BID: variants seen among roughly 807,000 people sequenced by gnomAD.
BID encodes the protein BH3 interacting domain death agonist.
BID carries 19 observed loss-of-function variants against 17.4 expected under a neutral mutation model. That is an observed-to-expected ratio of 1.09 (90% CI 0.76 to 1.60). The LOEUF (loss-of-function observed/expected upper bound fraction) is 1.60, where lower values mean the gene tolerates loss of function less well. BID is among the 40% of genes most tolerant of loss of function. The probability of loss-of-function intolerance (pLI) is 0.00; values close to 1 mark genes in which losing one functional copy is unlikely to be tolerated. For synonymous variants in BID, 108 were observed against 102.8 expected (o/e 1.05, Z -0.31); for missense variants, 226 against 256.0 (o/e 0.88, Z 0.80).
In BID at chr22:17,743,922, C is replaced by T. The variant is rs767379821; in HGVS notation, c.104G>A (p.Arg35Lys). 6.2e-7 allele frequency: 1 copy of T among 1,613,872 alleles called. No individual in the cohort carries two copies. The highest frequency in any genetic ancestry group is 8.5e-7 in the Non-Finnish European group (1 of 1,180,032). Residue 35 changes from arginine (R) to lysine (K), a missense_variant, in exon 3 of 6, where the codon AGA becomes AAA. Physicochemically the swap from Arg to Lys is conservative, Grantham distance 26. Coordinates refer to ENST00000622694, the MANE Select transcript of BID (RefSeq NM_001196.4). ...CTCGTGGCCCAGTGCGTCCAGCTCT[C>T]TGCGGAAGCTGTTGTCAGAACAGCT... The part of the protein sequence containing the change: ...LQSCSDNSFR[R>K]ELDALGHELP...
Position 17,735,330 on chromosome 22 carries a change from T to A in BID, c.*250A>T. ...GTGTGTAGATTTACAGATGTGCAGA[T>A]TCATGTGTGGATGATATGAAGGCCA... On this transcript the variant is annotated 3_prime_UTR_variant, in exon 6 of 6. Coordinates refer to ENST00000622694, the MANE Select transcript of BID (RefSeq NM_001196.4). The A allele has an allele frequency of 1.4e-4, 68 of 492,470 alleles. No individual in the cohort carries two copies. Among genetic ancestry groups the A allele is most frequent in the South Asian group, 5.3e-4 (18 of 33,662 alleles). 30.5% of individuals were successfully genotyped at this position (492,470 alleles called of 1,614,324 possible).
intron 1 of BID, among the ~76,000 whole-genome samples, chr22:17,763,234 G>C (rs1007040312): frequency 1.4e-5 from 2 of 142,026 alleles, no homozygotes; most frequent in Admixed American, 1.4e-4. Context: ...TCTCCATCAT[G>C]TGTATTAATT....
chr22:17,748,683 A>G (rs2061514066), intron 2 of BID, among the ~76,000 whole-genome samples: 1 of 151,888 alleles, frequency 6.6e-6, no homozygotes, highest in African/African-American at 2.4e-5. Flanking sequence ...TCCGAAGGCA[A>G]GAAAGGGGAG....
rs990220873 is a variant in BID at position 17,773,210 on chromosome 22, G to A, written c.-59+1171C>T. ...GAGGCTTGGCCAGGGTCGTCCTCCC[G>A]GCAGTGCCTCCCTGGAGCTCTGTCT... On this transcript the variant is annotated intron_variant, in intron 1 of 5. Coordinates refer to ENST00000622694, the MANE Select transcript of BID (RefSeq NM_001196.4). The surrounding 1 kb of genome is among the most constrained non-coding windows in gnomAD (Gnocchi z 4.4). Among the ~76,000 whole-genome samples the A allele has an allele frequency of 2.6e-5, 4 of 152,074 alleles. No homozygotes were observed. The East Asian group carries it at 7.7e-4, about 29-fold the overall frequency.
At chr22:17,740,136 C>G in intron 3 of BID, 1 of 1,612,354 alleles carries the variant, frequency 6.2e-7, no homozygotes, top group East Asian at 2.2e-5. Context: ...CTGCCGCCTC[C>G]GTTTCTTCCT....
intron 3 of BID, among the ~76,000 whole-genome samples, chr22:17,741,599 A>G (rs1362170214): frequency 6.6e-6 from 1 of 151,750 alleles, no homozygotes; most frequent in African/African-American, 2.4e-5. Flanking sequence ...CAGCCTCCCA[A>G]GTAGCTGGGA....
chr22:17,750,175 C>T lies in BID; in HGVS notation c.-58-1G>A. The T allele has an allele frequency of 1.9e-6, 3 of 1,612,248 alleles. No individual in the cohort carries two copies. The highest frequency in any genetic ancestry group is 2.5e-6 in the Non-Finnish European group (3 of 1,179,514). On this transcript the variant is annotated splice_acceptor_variant, in intron 1 of 5. Coordinates refer to ENST00000622694, the MANE Select transcript of BID (RefSeq NM_001196.4). LOFTEE classifies it low-confidence loss of function (5UTR_SPLICE). ...TGGTTCACAGTGTCCCAGTGGCGAC[C>T]TGGAAAGGGACACACAGAGTGGGCG...
intron 2 of BID, among the ~76,000 whole-genome samples, chr22:17,746,362 C>T (rs947839477): frequency 2.6e-5 from 4 of 152,210 alleles, no homozygotes; most frequent in African/African-American, 9.7e-5. Context: ...AAATAAGGTG[C>T]TTGTGTATTG....
rs773780328 is a variant in BID, at chr22:17,756,547, CTTCT to C, written c.-58-6377_-58-6374del. Among the ~76,000 whole-genome samples, 754 of 141,620 alleles carry C rather than the reference CTTCT, an allele frequency of 5.3e-3. 4 individuals carry two copies. Among genetic ancestry groups the C allele is most frequent in the African/African-American group, 0.01 (392 of 38,032 alleles). The allele number at this position is 141,620 out of a possible 152,430, so 92.9% of individuals were successfully genotyped here. A position where few individuals can be genotyped will look rare whatever the true frequency, so the allele number is the denominator to read the frequency against. Reference sequence around the variant, plus strand: ...CTTTCTTTCCTTCTTTCCTTCCTTCCTTCTTTCTTTCCTTCCTTTCCTTTCTTTC... The same window carrying C: ...CTTTCTTTCCTTCTTTCCTTCCTTCCTTCTTTCCTTCCTTTCCTTTCTTTC... On this transcript the variant is annotated intron_variant, in intron 1 of 5. Transcript: ENST00000622694.
Position 17,746,326 on chromosome 22 carries a change from C to T in BID, c.13-2313G>A, listed in dbSNP as rs558199537. Among the ~76,000 whole-genome samples the T allele has an allele frequency of 6.7e-4, 102 of 152,264 alleles. 1 individual carries two copies. Among genetic ancestry groups the T allele is most frequent in the Middle Eastern group, 6.8e-3 (2 of 294 alleles). ...TATTCCCATGTGACAAACATGTACA[C>T]GTGCCCCTGAATCTAAAATAAAATA... On this transcript the variant is annotated intron_variant, in intron 2 of 5. Coordinates refer to ENST00000622694, the MANE Select transcript of BID (RefSeq NM_001196.4).
In BID at chr22:17,735,035, T is replaced by C. The variant is rs2061409865; in HGVS notation, c.*545A>G. On this transcript the variant is annotated 3_prime_UTR_variant, in exon 6 of 6. Coordinates refer to ENST00000622694, the MANE Select transcript of BID (RefSeq NM_001196.4). Reference sequence around the variant, plus strand: ...CAGAATCTCTGTGCCATGTGGTTTTTTAAACAGGAAGATTGTTGGTTCCTT... The same window carrying C: ...CAGAATCTCTGTGCCATGTGGTTTTCTAAACAGGAAGATTGTTGGTTCCTT... 2 of 152,598 alleles carry C rather than the reference T, an allele frequency of 1.3e-5. No homozygotes were observed. Among genetic ancestry groups the C allele is most frequent in the Admixed American group, 1.3e-4 (2 of 15,300 alleles). The allele number at this position is 152,598 out of a possible 1,614,324, so 9.5% of individuals were successfully genotyped here. A position where few individuals can be genotyped will look rare whatever the true frequency, so the allele number is the denominator to read the frequency against.
chr22:17,759,914 G>T (rs373374929), intron 1 of BID, among the ~76,000 whole-genome samples: 8 of 151,798 alleles, frequency 5.3e-5, no homozygotes, highest in African/African-American at 1.9e-4. Flanking sequence ...AGGCCGAAGC[G>T]GGTGGATCAC....
At chr22:17,756,135 G>A (rs2061581186) in intron 1 of BID, among the ~76,000 whole-genome samples, 5 of 152,240 alleles carry the variant, frequency 3.3e-5, no homozygotes, top group Admixed American at 3.3e-4. Context: ...CCAAAGTGCT[G>A]GGATTACAGG....
chr22:17,763,615 C>G (rs932515955), intron 1 of BID, among the ~76,000 whole-genome samples: 14 of 152,060 alleles, frequency 9.2e-5, no homozygotes, highest in Admixed American at 2.6e-4. Flanking sequence ...TGAGAGCTGT[C>G]TCCAGACACA....
At chr22:17,764,689 G>C (rs1020157841) in intron 1 of BID, among the ~76,000 whole-genome samples, 1 of 152,174 alleles carries the variant, frequency 6.6e-6, no homozygotes. Flanking sequence ...GGAGAGGCCC[G>C]GGTACAGATA....
rs1351574179 is a variant in BID, at chr22:17,769,706, A to T, written c.-59+4675T>A. Among the ~76,000 whole-genome samples the T allele has an allele frequency of 1.3e-5, 2 of 152,162 alleles. No homozygotes were observed. The highest frequency in any genetic ancestry group is 2.9e-5 in the Non-Finnish European group (2 of 68,024). ...CAGGACGGTGCCTTACTGACTCCAC[A>T]CACAGAGGCAGCTGGGTCCAGGAGG... is the stretch of plus-strand genomic sequence containing the variant. On this transcript the variant is annotated intron_variant, in intron 1 of 5. Coordinates refer to ENST00000622694, the MANE Select transcript of BID (RefSeq NM_001196.4). This position sits in a 1 kb window ranked among gnomAD's most constrained non-coding sequence, Gnocchi z 4.8.
intron 1 of BID, among the ~76,000 whole-genome samples, chr22:17,759,234 C>CAAAAA (rs111628237): frequency 2.4e-4 from 7 of 29,230 alleles, no homozygotes; most frequent in Admixed American, 1.1e-3. Context: ...CGTCTCAAAA[C>CAAAAA]AAAAAACAAA....
intron 1 of BID, among the ~76,000 whole-genome samples, chr22:17,768,550 C>T (rs954999442): frequency 6.6e-6 from 1 of 152,184 alleles, no homozygotes; most frequent in African/African-American, 2.4e-5. Context: ...CTGGTCCGCC[C>T]CTCCCTGAAC....
chr22:17,767,606 C>G (rs546807100), intron 1 of BID, among the ~76,000 whole-genome samples: 1 of 152,278 alleles, frequency 6.6e-6, no homozygotes, highest in Admixed American at 6.5e-5. Context: ...CGTATCTGAC[C>G]ACAGAGAACT....
Sources: allele counts gnomAD v4.1 joint callset (sites outside exome capture counted in the v4.1 genomes callset), GRCh38; gene constraint gnomAD v4.1.1; non-coding constraint Gnocchi (gnomAD v3.1); transcripts MANE v1.5; gene names NCBI Gene and HGNC (gene_info 2026-07-23, HGNC 2026-07-21).